Variants in OSBPL5 observed in about 807,000 individuals in gnomAD.
The protein encoded by OSBPL5 is oxysterol binding protein like 5.
Under a neutral mutation model 111.2 loss-of-function variants are expected in OSBPL5, and 71 were observed. That is an observed-to-expected ratio of 0.64 (90% CI 0.53 to 0.78). The LOEUF is 0.78. OSBPL5 is among the 30% of genes least tolerant of loss of function. The probability of loss-of-function intolerance (pLI) is 0.00; values close to 1 mark genes in which losing one functional copy is unlikely to be tolerated. For missense variants in OSBPL5, 1,210 were observed against 1,189.3 expected (o/e 1.02, Z -0.26); for synonymous variants, 549 against 513.9 (o/e 1.07, Z -0.93).
intron 1 of OSBPL5, among the ~76,000 whole-genome samples, chr11:3,157,005 G>A (rs4261264): frequency 0.14 from 22,051 of 152,342 alleles, 1,647 homozygotes; most frequent in East Asian, 0.18. Context: ...AAGGTCAGAC[G>A]GGCCACTCCT....
At chr11:3,102,378 G>A in intron 11 of OSBPL5, 97 bp from the exon 12 acceptor site, 1 of 1,102,108 alleles carries the variant, frequency 9.1e-7, no homozygotes, top group Non-Finnish European at 1.3e-6. Flanking sequence ...GCGTGGGTGG[G>A]CTACCCGCTG....
chr11:3,117,145 T>C (rs927665627), intron 7 of OSBPL5, among the ~76,000 whole-genome samples: 3 of 152,208 alleles, frequency 2.0e-5, no homozygotes, highest in Admixed American at 6.5e-5. Context: ...ATCGGAGAAA[T>C]TGGTTATTTT....
chr11:3,124,950 C>G (rs1858560822), intron 3 of OSBPL5, among the ~76,000 whole-genome samples: 1 of 152,210 alleles, frequency 6.6e-6, no homozygotes, highest in Non-Finnish European at 1.5e-5. Context: ...GACCGCATGG[C>G]ATGGGATGGA....
intron 1 of OSBPL5, among the ~76,000 whole-genome samples, chr11:3,147,032 C>T (rs1312536174): frequency 1.3e-5 from 2 of 152,174 alleles, no homozygotes; most frequent in South Asian, 2.1e-4. Flanking sequence ...TGGGCCGAGG[C>T]CCCAGCTCTG....
Position 3,093,647 on chromosome 11 carries a change from A to G in OSBPL5, c.1826T>C (p.Ile609Thr). The G allele has an allele frequency of 6.2e-7, 1 of 1,613,106 alleles. No individual in the cohort carries two copies. The highest frequency in any genetic ancestry group is 8.5e-7 in the Non-Finnish European group (1 of 1,179,916). The change falls in exon 17 of 22, where the codon ATC becomes ACC. Residue 609 changes from isoleucine (I) to threonine (T), a missense_variant. Physicochemically the swap from Ile to Thr is moderately conservative, Grantham distance 89. Transcript: ENST00000263650. ...ACTGCTTCCGCTCCCTTCCTCCTTG[A>G]TAAACACGTCCCTGTCCTGCCCCAG... ...LSGHWDRDVF[I>T]KEEGSGSSAL... is the part of the protein sequence containing the mutation.
chr11:3,143,386 C>G (rs1328378331), intron 1 of OSBPL5, among the ~76,000 whole-genome samples: 1 of 152,192 alleles, frequency 6.6e-6, no homozygotes, highest in Non-Finnish European at 1.5e-5. Flanking sequence ...CACACGCCCC[C>G]AGGTGGTCCG....
At position 3,092,740 on chromosome 11, in the gene OSBPL5, T is replaced by C; in HGVS notation, c.2132+127A>G. On this transcript the variant is annotated intron_variant, in intron 18 of 21. Coordinates refer to ENST00000263650, the MANE Select transcript of OSBPL5 (RefSeq NM_020896.4). The surrounding 1 kb of genome is among the most constrained non-coding windows in gnomAD (Gnocchi z 5.4). ...GATGGGGGGTGTCACTATCTGACCC[T>C]CCCCCACCGACTCCTCCAGGGGACA... 1.5e-6 allele frequency: 2 copies of C among 1,347,440 alleles called. No homozygotes were observed. The highest frequency in any genetic ancestry group is 9.9e-7 in the Non-Finnish European group (1 of 1,008,476). 83.5% of individuals were successfully genotyped at this position (1,347,440 alleles called of 1,614,324 possible).
rs902777995 is a variant in OSBPL5 at position 3,142,847 on chromosome 11, C to A, written c.-21-13678G>T. Among the ~76,000 whole-genome samples, 10 of 151,902 alleles carry A rather than the reference C, an allele frequency of 6.6e-5. No individual in the cohort carries two copies. Among genetic ancestry groups the A allele is most frequent in the African/African-American group, 2.4e-4 (10 of 41,312 alleles). ...GGGCAGTGACTGCCCACTCCTTGCACACAAGGAAACAGTGAGACCAGAGGA... is the reference window on the plus strand; with the variant it reads ...GGGCAGTGACTGCCCACTCCTTGCAAACAAGGAAACAGTGAGACCAGAGGA... On this transcript the variant is annotated intron_variant, in intron 1 of 21. Coordinates refer to ENST00000263650, the MANE Select transcript of OSBPL5 (RefSeq NM_020896.4). The surrounding 1 kb of genome is among the most constrained non-coding windows in gnomAD (Gnocchi z 7.1).
At chr11:3,096,776 T>C (rs1223550610) in intron 14 of OSBPL5, among the ~76,000 whole-genome samples, 4 of 152,036 alleles carry the variant, frequency 2.6e-5, no homozygotes, top group Non-Finnish European at 4.4e-5. Context: ...TGCTGTGCTG[T>C]GGGTATATGG....
intron 7 of OSBPL5, among the ~76,000 whole-genome samples, chr11:3,112,375 CTTG>C (rs1564838146): frequency 6.6e-6 from 1 of 151,888 alleles, no homozygotes; most frequent in Non-Finnish European, 1.5e-5. Flanking sequence ...GGGGGAGAAA[CTTG>C]TTTTTTCTTA....
chr11:3,120,247 C>T (rs1342051702), intron 6 of OSBPL5, among the ~76,000 whole-genome samples, 174 bp downstream of exon 6: 11 of 152,192 alleles, frequency 7.2e-5, no homozygotes, highest in Admixed American at 7.2e-4. Flanking sequence ...ACATGGAGCA[C>T]CAGTGGCCAT....
rs554104531 is a variant in OSBPL5 at position 3,135,194 on chromosome 11, T to C, written c.-21-6025A>G. On this transcript the variant is annotated intron_variant, in intron 1 of 21. Coordinates refer to ENST00000263650, the MANE Select transcript of OSBPL5 (RefSeq NM_020896.4). The stretch of plus-strand genomic sequence containing the variant: ...TCGCTTTGGCCTGGGTGGGTTCCCC[T>C]GAACTGAGCTGTGCTGGGCTGGGCA... Among the ~76,000 whole-genome samples, 1,515 of 152,302 alleles carry C rather than the reference T, an allele frequency of 9.9e-3. 8 individuals carry two copies. Among genetic ancestry groups the C allele is most frequent in the Middle Eastern group, 0.02 (6 of 294 alleles).
At chr11:3,122,217 G>C in intron 4 of OSBPL5, 119 bp from the exon 5 acceptor site, 1 of 1,324,630 alleles carries the variant, frequency 7.5e-7, no homozygotes, top group Non-Finnish European at 1.0e-6. Context: ...GTAGGAGGAA[G>C]TAGGGGGTGT....
At position 3,107,042 on chromosome 11, in the gene OSBPL5, T is replaced by TGCCAGCCA. The variant is rs142736268; in HGVS notation, c.1059+213_1059+220dup. Among the ~76,000 whole-genome samples, 1 of 151,946 alleles carries TGCCAGCCA rather than the reference T, an allele frequency of 6.6e-6. No individual in the cohort carries two copies. The highest frequency in any genetic ancestry group is 2.4e-5 in the African/African-American group (1 of 41,308). On this transcript the variant is annotated intron_variant, in intron 9 of 21. Coordinates refer to ENST00000263650, the MANE Select transcript of OSBPL5 (RefSeq NM_020896.4). This position sits in a 1 kb window ranked among gnomAD's most constrained non-coding sequence, Gnocchi z 6.1. ...CCCCTGCCCGATCCCCGCATCTGCATGCCAGCCAGCCAGCCAGCCAGCGGG... is the reference window on the plus strand; with the variant it reads ...CCCCTGCCCGATCCCCGCATCTGCATGCCAGCCAGCCAGCCAGCCAGCCAGCCAGCGGG...
chr11:3,090,456 C>G, intron 20 of OSBPL5, 102 bp downstream of exon 20: 1 of 1,480,576 alleles, frequency 6.8e-7, no homozygotes, highest in Non-Finnish European at 9.2e-7. Context: ...GGAGGTTGCC[C>G]TACATCTGGG....
intron 1 of OSBPL5, among the ~76,000 whole-genome samples, chr11:3,147,505 C>T (rs1011880898): frequency 6.6e-5 from 10 of 152,260 alleles, no homozygotes; most frequent in East Asian, 3.9e-4. Flanking sequence ...CACATAGCCC[C>T]GTGCAGGCCC....
rs373470510 is a variant in OSBPL5 at position 3,145,783 on chromosome 11, C to T, written c.-21-16614G>A. ...GAAGTGGGGCCTGGCCGAACAAGAC[C>T]GGACCAGAACCCCGGCCTGTCGCCC... On this transcript the variant is annotated intron_variant, in intron 1 of 21. Transcript: ENST00000263650. Among the ~76,000 whole-genome samples the T allele has an allele frequency of 9.2e-5, 14 of 152,188 alleles. No homozygotes were observed. In the East Asian group the frequency reaches 1.2e-3, roughly 13 times the overall value.
intron 1 of OSBPL5, among the ~76,000 whole-genome samples, chr11:3,148,268 G>A (rs898498585): frequency 6.6e-6 from 1 of 152,232 alleles, no homozygotes; most frequent in African/African-American, 2.4e-5. Context: ...AAGGTCATGA[G>A]GGGCATCGGG....
rs1484743777 is a variant in OSBPL5 at position 3,140,369 on chromosome 11, C to A, written c.-21-11200G>T. 6.6e-6 allele frequency among the ~76,000 whole-genome samples: 1 copy of A among 152,166 alleles called. No homozygotes were observed. The highest frequency in any genetic ancestry group is 2.4e-5 in the African/African-American group (1 of 41,436). ...CAGGTGCTGGACAGGCAGGGTAGGG[C>A]TCACAGCCAAGCTAGGACACCCTTC... On this transcript the variant is annotated intron_variant, in intron 1 of 21. Transcript: ENST00000263650. The surrounding 1 kb of genome is among the most constrained non-coding windows in gnomAD (Gnocchi z 4.5).
Sources: allele counts gnomAD v4.1 joint callset (sites outside exome capture counted in the v4.1 genomes callset), GRCh38; gene constraint gnomAD v4.1.1; non-coding constraint Gnocchi (gnomAD v3.1); transcripts MANE v1.5; gene names NCBI Gene and HGNC (gene_info 2026-07-23, HGNC 2026-07-21).